The following MAST4 variants were observed in gnomAD, a reference collection of about 807,000 sequenced individuals.
MAST4 encodes the protein microtubule associated serine/threonine kinase family member 4.
In MAST4, 89 loss-of-function variants were observed where a neutral mutation model predicts 162.7. The observed-to-expected ratio is 0.55, with a 90% CI of 0.46 to 0.65. The LOEUF (loss-of-function observed/expected upper bound fraction) is 0.65. MAST4 is among the 30% of genes least tolerant of loss of function. The probability of loss-of-function intolerance (pLI) is 0.00; values close to 1 mark genes in which losing one functional copy is unlikely to be tolerated. For synonymous variants in MAST4, 1,479 were observed against 1,361.1 expected (o/e 1.09, Z -1.91); for missense variants, 3,153 against 3,374.0 (o/e 0.93, Z 1.62).
chr5:66,848,900 A>G (rs1759092753), intron 3 of MAST4, among the ~76,000 whole-genome samples: 1 of 152,168 alleles, frequency 6.6e-6, no homozygotes, highest in Non-Finnish European at 1.5e-5. Flanking sequence ...TGCTCATATC[A>G]GAAAACTCTG....
intron 4 of MAST4, among the ~76,000 whole-genome samples, chr5:66,948,671 A>C (rs140378501): frequency 5.9e-5 from 9 of 152,260 alleles, no homozygotes; most frequent in African/African-American, 1.4e-4. Context: ...AAAACATGGC[A>C]AGCTGGACTT....
rs35516633 is a variant in MAST4 at position 67,145,878 on chromosome 5, G to A, written c.3094+499G>A. Among the ~76,000 whole-genome samples, 634 of 152,272 alleles carry A rather than the reference G, an allele frequency of 4.2e-3. 2 individuals are homozygous for A. The highest frequency in any genetic ancestry group is 7.0e-3 in the Non-Finnish European group (477 of 68,022). On this transcript the variant is annotated intron_variant, in intron 23 of 28. Transcript: ENST00000403625. ...GAAATGGATGGTTGTTTCTTTGATG[G>A]AGTTGGCTTTTGTTAAAGGGTTATG...
chr5:66,897,815 A>G (rs775133225), intron 3 of MAST4, among the ~76,000 whole-genome samples: 3 of 152,206 alleles, frequency 2.0e-5, no homozygotes, highest in Non-Finnish European at 2.9e-5. Context: ...CCTACTGGAA[A>G]GATTTCTGAT....
intron 1 of MAST4, among the ~76,000 whole-genome samples, chr5:66,660,718 G>A (rs369846025): frequency 4.3e-4 from 65 of 151,996 alleles, no homozygotes; most frequent in African/African-American, 1.4e-3. Flanking sequence ...TTAATTTGGG[G>A]GATAAAACTA....
intron 4 of MAST4, chr5:67,004,690 A>C (rs116778135): frequency 2.0e-5 from 6 of 294,498 alleles, no homozygotes; most frequent in South Asian, 4.6e-5. Flanking sequence ...GGCTCAACTC[A>C]TGTAATTACT....
At position 67,136,593 on chromosome 5, in the gene MAST4, C is replaced by T; in HGVS notation, c.2423C>T (p.Ala808Val). ...ATCAACTGGCCTGAGAAGGATGAGGCACCCCCACCTGATGCCCAGGATCTG... is the reference window on the plus strand; with the variant it reads ...ATCAACTGGCCTGAGAAGGATGAGGTACCCCCACCTGATGCCCAGGATCTG... ...DEINWPEKDE[A>V]PPPDAQDLIT... Residue 808 changes from alanine (A) to valine (V), a missense_variant, in exon 19 of 29, where the codon GCA becomes GTA. Around this residue, in one of 7 missense-constraint regions of MAST4, gnomAD observed 62 missense variants for 63.1 expected, o/e 0.98. Coordinates refer to ENST00000403625, the MANE Select transcript of MAST4 (RefSeq NM_001164664.2). The T allele has an allele frequency of 6.2e-7, 1 of 1,606,400 alleles. No individual in the cohort carries two copies. The highest frequency in any genetic ancestry group is 1.1e-5 in the South Asian group (1 of 88,902).
intron 4 of MAST4, among the ~76,000 whole-genome samples, chr5:66,969,612 G>A (rs931470980): frequency 1.3e-5 from 2 of 152,098 alleles, no homozygotes; most frequent in African/African-American, 4.8e-5. Flanking sequence ...TTGTCCTGTT[G>A]CTGCTTGGAA....
At chr5:66,876,571 A>C (rs936846226) in intron 3 of MAST4, among the ~76,000 whole-genome samples, 3 of 152,004 alleles carry the variant, frequency 2.0e-5, no homozygotes, top group Non-Finnish European at 4.4e-5. Context: ...ACAATGGGGG[A>C]AGTCACACCA....
intron 1 of MAST4, among the ~76,000 whole-genome samples, chr5:66,654,633 G>A (rs148879992): frequency 5.9e-5 from 9 of 152,276 alleles, no homozygotes; most frequent in Admixed American, 3.9e-4. Flanking sequence ...AAGAAATGAA[G>A]TTTAGAGGAA....
intron 1 of MAST4, among the ~76,000 whole-genome samples, chr5:66,752,062 A>G (rs1336451885): frequency 6.6e-6 from 1 of 152,166 alleles, no homozygotes; most frequent in East Asian, 1.9e-4. Context: ...TAAGTGAAGG[A>G]GAAATAAAAT....
At chr5:67,044,987 TATGTAC>T (rs776839143) in intron 4 of MAST4, among the ~76,000 whole-genome samples, 13 of 152,218 alleles carry the variant, frequency 8.5e-5, no homozygotes, top group Non-Finnish European at 1.6e-4. Context: ...TTTTCTTAGC[TATGTAC>T]ATTGCCTTGA....
At chr5:66,893,399 T>C (rs1762484978) in intron 3 of MAST4, among the ~76,000 whole-genome samples, 1 of 151,598 alleles carries the variant, frequency 6.6e-6, no homozygotes, top group South Asian at 2.1e-4. Context: ...TGTGTGTGTG[T>C]CTTTTTTTTG....
chr5:66,884,838 T>C (rs1041733583), intron 3 of MAST4, among the ~76,000 whole-genome samples: 4 of 152,206 alleles, frequency 2.6e-5, no homozygotes, highest in Admixed American at 2.6e-4. Flanking sequence ...GAGTTGTGCC[T>C]TCTCACTAGT....
chr5:67,033,601 G>A (rs1266029162), intron 4 of MAST4, among the ~76,000 whole-genome samples: 3 of 152,116 alleles, frequency 2.0e-5, no homozygotes, highest in African/African-American at 7.2e-5. Context: ...CAATGCTAAA[G>A]CAGTGATGTG....
At chr5:67,028,372 C>T (rs1754928745) in intron 4 of MAST4, among the ~76,000 whole-genome samples, 1 of 152,082 alleles carries the variant, frequency 6.6e-6, no homozygotes. Context: ...GTAGGAGGTG[C>T]CACTGAAGGG....
chr5:67,012,777 A>G (rs777402571), intron 4 of MAST4, among the ~76,000 whole-genome samples: 3 of 152,252 alleles, frequency 2.0e-5, no homozygotes, highest in Non-Finnish European at 2.9e-5. Context: ...ACTTGGTTGT[A>G]AATTCTGAAA....
intron 1 of MAST4, among the ~76,000 whole-genome samples, chr5:66,615,425 A>G (rs1216893685): frequency 6.6e-6 from 1 of 152,176 alleles, no homozygotes; most frequent in Non-Finnish European, 1.5e-5. Context: ...CAGCAAGCAC[A>G]ACAGGCTAGA....
At chr5:66,704,949 A>G (rs1046151903) in intron 1 of MAST4, among the ~76,000 whole-genome samples, 11 of 152,166 alleles carry the variant, frequency 7.2e-5, no homozygotes, top group African/African-American at 2.7e-4. Flanking sequence ...GCAGTCCTAG[A>G]GGTGGGGTCA....
intron 4 of MAST4, among the ~76,000 whole-genome samples, chr5:66,996,343 TATA>T (rs1398016990): frequency 1.3e-5 from 2 of 152,146 alleles, no homozygotes; most frequent in Non-Finnish European, 2.9e-5. Context: ...TAACCATATA[TATA>T]ATATCTTAAT....
Sources: allele counts gnomAD v4.1 joint callset (sites outside exome capture counted in the v4.1 genomes callset), GRCh38; gene constraint gnomAD v4.1.1; regional missense constraint gnomAD v4.1.1; transcripts MANE v1.5; gene names NCBI Gene and HGNC (gene_info 2026-07-23, HGNC 2026-07-21).